ARHGEF7: variants seen among roughly 807,000 people sequenced by gnomAD.
ARHGEF7 encodes PAK-interacting exchange factor beta.
In ARHGEF7, 33 loss-of-function variants were observed where a neutral mutation model predicts 109.8. The ratio of observed to expected loss-of-function variants is 0.30; its 90% CI spans 0.23 to 0.40. ARHGEF7 has a LOEUF of 0.40. ARHGEF7 is among the 10% of genes least tolerant of loss of function. The pLI is 1.00. For missense variants in ARHGEF7, 938 were observed against 1,098.5 expected (o/e 0.85, Z 2.07); for synonymous variants, 458 against 424.6 (o/e 1.08, Z -0.97).
intron 16 of ARHGEF7, among the ~76,000 whole-genome samples, chr13:111,284,543 A>G (rs2092933069): frequency 6.6e-6 from 1 of 152,234 alleles, no homozygotes; most frequent in South Asian, 2.1e-4. Context: ...TGGAGACTGA[A>G]TTACTAGGGA....
intron 20 of ARHGEF7, 105 bp downstream of exon 20, chr13:111,300,952 CT>C (rs879157413): frequency 0.051 from 24,158 of 477,220 alleles, no homozygotes; most frequent in South Asian, 0.073. Flanking sequence ...AGAAGCTTCA[CT>C]TTTTTTTTTT....
chr13:111,217,418 C>T (rs2083274821), intron 4 of ARHGEF7, among the ~76,000 whole-genome samples: 2 of 152,168 alleles, frequency 1.3e-5, no homozygotes, highest in African/African-American at 4.8e-5. Context: ...GTGACTCTGT[C>T]TCTGTCACAT....
chr13:111,180,966 A>G (rs997297000), intron 2 of ARHGEF7, among the ~76,000 whole-genome samples: 23 of 152,368 alleles, frequency 1.5e-4, no homozygotes, highest in Middle Eastern at 3.4e-3. Context: ...CATTCTGGGC[A>G]TGATGTGTAA....
In ARHGEF7 at chr13:111,266,856, G is replaced by A. The variant is rs2091690106; in HGVS notation, c.951-692G>A. On this transcript the variant is annotated intron_variant, in intron 8 of 21. Coordinates refer to ENST00000646102, the MANE Select transcript of ARHGEF7 (RefSeq NM_001354046.2). This position sits in a 1 kb window ranked among gnomAD's most constrained non-coding sequence, Gnocchi z 4.8. ...CGTGCCCCTGCTCCGGGTTGTTGCTGTTGTCCTTCAGAAACTCTGAGGTCT... is the reference window on the plus strand; with the variant it reads ...CGTGCCCCTGCTCCGGGTTGTTGCTATTGTCCTTCAGAAACTCTGAGGTCT... 4.4e-6 allele frequency: 2 copies of A among 455,948 alleles called. No individual in the cohort carries two copies. The highest frequency in any genetic ancestry group is 8.8e-6 in the Non-Finnish European group (2 of 226,818). The allele number at this position is 455,948 out of a possible 1,614,324, so 28.2% of individuals were successfully genotyped here.
In ARHGEF7 at chr13:111,115,504, C is replaced by T; in HGVS notation, c.-23C>T. 2.3e-6 allele frequency: 3 copies of T among 1,279,214 alleles called. No individual in the cohort carries two copies. The highest frequency in any genetic ancestry group is 3.0e-6 in the Non-Finnish European group (3 of 992,572). 79.2% of individuals were successfully genotyped at this position (1,279,214 alleles called of 1,614,324 possible). ...CGAGGTGAAGGCGCGCGCCCCTCCC[C>T]GCCTGCCTCCCGGGCCGCAGCGATG... On this transcript the variant is annotated 5_prime_UTR_variant, in exon 1 of 22. Transcript: ENST00000646102.
chr13:111,151,917 AGC>A, intron 1 of ARHGEF7, among the ~76,000 whole-genome samples: 1 of 152,286 alleles, frequency 6.6e-6, no homozygotes, highest in East Asian at 1.9e-4. Flanking sequence ...ATTCAAGCAC[AGC>A]TGGGAACGTG....
intron 19 of ARHGEF7, chr13:111,293,174 A>C (rs1350339875): frequency 1.0e-6 from 1 of 985,328 alleles, no homozygotes; most frequent in Non-Finnish European, 1.2e-6. Flanking sequence ...AGCCTCTGCA[A>C]GTGTAGACTA....
intron 7 of ARHGEF7, 100 bp downstream of exon 7, chr13:111,244,066 T>C (rs894127631): frequency 1.6e-6 from 2 of 1,255,174 alleles, no homozygotes; most frequent in Non-Finnish European, 2.2e-6. Context: ...TGAAACAAAA[T>C]TTAGTGTACC....
chr13:111,115,151 C>A (rs1394220065), upstream of ARHGEF7: 1 of 147,554 alleles, frequency 6.8e-6, no homozygotes, highest in Non-Finnish European at 1.5e-5. Flanking sequence ...CGCTCCCAGC[C>A]GCCGCCGCCG....
intron 1 of ARHGEF7, among the ~76,000 whole-genome samples, chr13:111,136,630 C>A (rs1042769522): frequency 2.6e-5 from 4 of 152,134 alleles, no homozygotes; most frequent in African/African-American, 9.7e-5. Context: ...TAAATGCCCA[C>A]AAGAGAAAGC....
In ARHGEF7 at chr13:111,283,227, C is replaced by T. The variant is rs1179611479; in HGVS notation, c.1814C>T (p.Pro605Leu). Residue 605 changes from proline (P) to leucine (L), a missense_variant, in exon 16 of 22, where the codon CCC becomes CTC. Physicochemically the swap from Pro to Leu is moderately conservative, Grantham distance 98 (BLOSUM62 -3). Coordinates refer to ENST00000646102, the MANE Select transcript of ARHGEF7 (RefSeq NM_001354046.2). Reference sequence around the variant, plus strand: ...CCCGCCTACCACACGCTGCCCCACCCCTCCCACCACGGCACCCCGCACACC... The same window carrying T: ...CCCGCCTACCACACGCTGCCCCACCTCTCCCACCACGGCACCCCGCACACC... The part of the protein sequence containing the change: ...LTPAYHTLPH[P>L]SHHGTPHTTI... The T allele has an allele frequency of 4.4e-6, 7 of 1,592,866 alleles. No individual in the cohort carries two copies. Among genetic ancestry groups the T allele is most frequent in the Non-Finnish European group, 6.0e-6 (7 of 1,171,584 alleles).
At chr13:111,223,107 C>T (rs1354272098) in intron 5 of ARHGEF7, among the ~76,000 whole-genome samples, 1 of 152,142 alleles carries the variant, frequency 6.6e-6, no homozygotes. Flanking sequence ...GGTATATATA[C>T]AGAGATATAG....
chr13:111,274,919 G>A lies in ARHGEF7; in HGVS notation c.1272+129G>A, dbSNP rs543727055. Reference sequence around the variant, plus strand: ...GCTGACATGAAAGAAAAACAGAGTCGGCATTCTGTGGCTGGTAAACTCCTT... The same window carrying A: ...GCTGACATGAAAGAAAAACAGAGTCAGCATTCTGTGGCTGGTAAACTCCTT... On this transcript the variant is annotated intron_variant, in intron 11 of 21. Coordinates refer to ENST00000646102, the MANE Select transcript of ARHGEF7 (RefSeq NM_001354046.2). The A allele has an allele frequency of 4.2e-5, 22 of 524,596 alleles. No homozygotes were observed. The Admixed American group carries it at 4.3e-4, about 10-fold the overall frequency. 32.5% of individuals were successfully genotyped at this position (524,596 alleles called of 1,614,324 possible). A position where few individuals can be genotyped will look rare whatever the true frequency, so the allele number is the denominator to read the frequency against.
rs1028362692 is a variant in ARHGEF7, at chr13:111,303,915, G to T, written c.*802G>T. On this transcript the variant is annotated 3_prime_UTR_variant, in exon 22 of 22. Coordinates refer to ENST00000646102, the MANE Select transcript of ARHGEF7 (RefSeq NM_001354046.2). ...GACACAGACGGTTCTGTATAGGCTA[G>T]TTCAGTAACAACAAAATACACTGTT... 1.3e-5 allele frequency: 2 copies of T among 152,202 alleles called. No individual in the cohort carries two copies. Among genetic ancestry groups the T allele is most frequent in the African/African-American group, 4.8e-5 (2 of 41,432 alleles). The allele number at this position is 152,202 out of a possible 1,614,324, so 9.4% of individuals were successfully genotyped here.
At chr13:111,260,292 C>A (rs143171010) in intron 8 of ARHGEF7, among the ~76,000 whole-genome samples, 1 of 152,094 alleles carries the variant, frequency 6.6e-6, no homozygotes, top group Non-Finnish European at 1.5e-5. Context: ...AGATTTAACC[C>A]GTAGAAGACT....
chr13:111,198,509 G>A (rs1305828485), intron 2 of ARHGEF7, among the ~76,000 whole-genome samples: 3 of 152,078 alleles, frequency 2.0e-5, no homozygotes, highest in African/African-American at 7.2e-5. Flanking sequence ...TGGGTTTGTG[G>A]TCTCGCTGAC....
At chr13:111,163,098 T>C (rs2076869277) in intron 2 of ARHGEF7, among the ~76,000 whole-genome samples, 1 of 152,222 alleles carries the variant, frequency 6.6e-6, no homozygotes, top group Admixed American at 6.5e-5. Flanking sequence ...CAACATAGTG[T>C]TTATTGACTG....
At chr13:111,301,282 A>C (rs1483932801) in intron 20 of ARHGEF7, among the ~76,000 whole-genome samples, 196 bp from the exon 21 acceptor site, 1 of 152,130 alleles carries the variant, frequency 6.6e-6, no homozygotes, top group African/African-American at 2.4e-5. Context: ...TCATAGGCTG[A>C]AGTTGCCCTT....
chr13:111,266,712 A>G lies in ARHGEF7; in HGVS notation c.951-836A>G. 2.4e-6 allele frequency: 1 copy of G among 422,454 alleles called. No homozygotes were observed. The highest frequency in any genetic ancestry group is 1.6e-5 in the South Asian group (1 of 61,298). The allele number at this position is 422,454 out of a possible 1,614,324, so 26.2% of individuals were successfully genotyped here. On this transcript the variant is annotated intron_variant, in intron 8 of 21. Transcript: ENST00000646102. This position sits in a 1 kb window ranked among gnomAD's most constrained non-coding sequence, Gnocchi z 4.8. ...TTTGGTCACTTTTTCTCTGGCTCCC[A>G]TTCCCTAGGTAGGAGGATGTAATCC...
Sources: gnomAD v4.1 joint callset for allele counts (sites outside exome capture counted in the v4.1 genomes callset) on GRCh38, gnomAD v4.1.1 for gene constraint, Gnocchi (gnomAD v3.1) non-coding constraint, MANE v1.5 for transcripts, NCBI Gene and HGNC (gene_info 2026-07-23, HGNC 2026-07-21) for gene names.